Variants in CFAP299 observed in about 807,000 individuals in gnomAD.
The protein encoded by CFAP299 is cilia- and flagella-associated protein 299.
In CFAP299, 21 loss-of-function variants were observed where a neutral mutation model predicts 27.0. The ratio of observed to expected loss-of-function variants is 0.78; its 90% CI spans 0.55 to 1.12. The LOEUF is 1.12. Ranked by LOEUF, CFAP299 falls within the 50% of genes most tolerant of loss-of-function variation. CFAP299 has a pLI of 0.00. For missense variants in CFAP299, 310 were observed against 276.6 expected (o/e 1.12, Z -0.86); for synonymous variants, 104 against 98.1 (o/e 1.06, Z -0.36).
intron 3 of CFAP299, among the ~76,000 whole-genome samples, chr4:80,857,836 A>G (rs1578188706): frequency 1.3e-5 from 2 of 152,288 alleles, no homozygotes; most frequent in East Asian, 1.9e-4. Context: ...TTTTGCATCA[A>G]TGTTCATCAA....
At chr4:80,501,139 A>G (rs1731720463) in intron 2 of CFAP299, among the ~76,000 whole-genome samples, 1 of 152,096 alleles carries the variant, frequency 6.6e-6, no homozygotes, top group Admixed American at 6.6e-5. Context: ...CATTTCTAGT[A>G]GTTTACAAGG....
chr4:80,962,349 A>C (rs1342254819), intron 5 of CFAP299, among the ~76,000 whole-genome samples: 1 of 151,948 alleles, frequency 6.6e-6, no homozygotes, highest in Non-Finnish European at 1.5e-5. Context: ...AGGAAAATTG[A>C]AATAAAAATA....
chr4:80,587,266 G>A (rs1401882472), intron 3 of CFAP299, among the ~76,000 whole-genome samples: 9 of 151,966 alleles, frequency 5.9e-5, no homozygotes, highest in East Asian at 1.9e-4. Flanking sequence ...TTACATCAAC[G>A]TTTGGGGGAA....
chr4:80,884,062 A>G (rs769306291), intron 4 of CFAP299, among the ~76,000 whole-genome samples: 2 of 152,006 alleles, frequency 1.3e-5, no homozygotes, highest in African/African-American at 2.4e-5. Context: ...GTTCCCTTCT[A>G]TGTGTCCATG....
chr4:80,930,875 A>G (rs1048422759), intron 4 of CFAP299, among the ~76,000 whole-genome samples: 4 of 152,016 alleles, frequency 2.6e-5, no homozygotes, highest in African/African-American at 9.7e-5. Context: ...TTGCTGATCT[A>G]GGGTTCAACT....
chr4:80,504,589 C>T (rs749601709), intron 2 of CFAP299, among the ~76,000 whole-genome samples: 3 of 139,868 alleles, frequency 2.1e-5, no homozygotes, highest in Non-Finnish European at 3.0e-5. Context: ...AAAATGTGTG[C>T]AGTACTGGAG....
chr4:80,708,149 A>G (rs1721929390), intron 3 of CFAP299, among the ~76,000 whole-genome samples: 1 of 152,060 alleles, frequency 6.6e-6, no homozygotes, highest in South Asian at 2.1e-4. Context: ...CATGTTTTCA[A>G]GTTAAGTTCC....
At chr4:80,946,721 T>C (rs1737496068) in intron 5 of CFAP299, among the ~76,000 whole-genome samples, 1 of 152,196 alleles carries the variant, frequency 6.6e-6, no homozygotes, top group Non-Finnish European at 1.5e-5. Flanking sequence ...TTTTTAGGGC[T>C]GTATTTATTA....
chr4:80,817,368 T>A (rs911380208), intron 3 of CFAP299, among the ~76,000 whole-genome samples: 6 of 152,140 alleles, frequency 3.9e-5, no homozygotes, highest in African/African-American at 1.4e-4. Context: ...TATGTTGTAT[T>A]AATATTAACA....
At chr4:80,700,135 A>C (rs1401930760) in intron 3 of CFAP299, among the ~76,000 whole-genome samples, 1 of 152,148 alleles carries the variant, frequency 6.6e-6, no homozygotes, top group Non-Finnish European at 1.5e-5. Context: ...TCTGATCACC[A>C]TGCTGAAGTC....
intron 2 of CFAP299, among the ~76,000 whole-genome samples, chr4:80,463,356 A>G (rs1461960148): frequency 1.3e-5 from 2 of 152,170 alleles, no homozygotes; most frequent in South Asian, 2.1e-4. Context: ...ACATATCATC[A>G]AAGGATCCTC....
At chr4:80,541,930 A>G (rs1734011737) in intron 2 of CFAP299, among the ~76,000 whole-genome samples, 1 of 152,118 alleles carries the variant, frequency 6.6e-6, no homozygotes. Context: ...TATCAAGGAC[A>G]TTAGGTATAT....
In CFAP299 at chr4:80,886,552, G is replaced by A. The variant is rs548951580; in HGVS notation, c.476+16417G>A. ...TTTGAGCCTGTAAAAATCACAGCAC[G>A]ATTGGGCTTGGGGCCCAAGTCCCTT... On this transcript the variant is annotated intron_variant, in intron 4 of 5. Coordinates refer to ENST00000358105, the MANE Select transcript of CFAP299 (RefSeq NM_152770.3). Among the ~76,000 whole-genome samples, 17 of 152,280 alleles carry A rather than the reference G, an allele frequency of 1.1e-4. No individual in the cohort carries two copies. In the East Asian group the frequency reaches 1.9e-3, roughly 17 times the overall value.
At chr4:80,597,740 T>A (rs1737132982) in intron 3 of CFAP299, among the ~76,000 whole-genome samples, 2 of 152,072 alleles carry the variant, frequency 1.3e-5, no homozygotes, top group African/African-American at 4.8e-5. Context: ...CAGGCTGGAG[T>A]GCAGTGTGCA....
chr4:80,389,874 C>T (rs578177592), intron 2 of CFAP299, among the ~76,000 whole-genome samples: 1 of 152,124 alleles, frequency 6.6e-6, no homozygotes, highest in Non-Finnish European at 1.5e-5. Flanking sequence ...TAAAGTCTTT[C>T]AATTAGCACA....
intron 4 of CFAP299, among the ~76,000 whole-genome samples, chr4:80,909,871 G>T (rs947559785): frequency 3.3e-5 from 5 of 151,880 alleles, no homozygotes; most frequent in African/African-American, 1.2e-4. Context: ...CATTTTTAAT[G>T]GTTAAATTTA....
intron 2 of CFAP299, among the ~76,000 whole-genome samples, chr4:80,419,964 G>A (rs1231147708): frequency 2.6e-5 from 4 of 152,084 alleles, no homozygotes; most frequent in Admixed American, 2.6e-4. Flanking sequence ...TTATTGACAT[G>A]CACATAGGGG....
chr4:80,692,028 C>A (rs1297198880), intron 3 of CFAP299, among the ~76,000 whole-genome samples: 2 of 152,084 alleles, frequency 1.3e-5, no homozygotes, highest in African/African-American at 4.8e-5. Context: ...CAAACCACTG[C>A]TCAAGGAAAT....
chr4:80,401,748 C>T (rs1457296700), intron 2 of CFAP299, among the ~76,000 whole-genome samples: 3 of 152,182 alleles, frequency 2.0e-5, no homozygotes, highest in Admixed American at 1.3e-4. Flanking sequence ...AGAGGGCAAC[C>T]ATCCTCCAGT....
Sources: gnomAD v4.1 joint callset for allele counts (sites outside exome capture counted in the v4.1 genomes callset) on GRCh38, gnomAD v4.1.1 for gene constraint, MANE v1.5 for transcripts, NCBI Gene and HGNC (gene_info 2026-07-23, HGNC 2026-07-21) for gene names.